The following CNTN5 variants were observed in gnomAD, a reference collection of about 807,000 sequenced individuals.
CNTN5 encodes contactin 5.
A neutral mutation model predicts 129.1 loss-of-function variants in CNTN5; 77 were observed. That is an observed-to-expected ratio of 0.60 (90% CI 0.50 to 0.72). The LOEUF is 0.72. Among genes scored for constraint, CNTN5 ranks in the 30% least tolerant of loss-of-function variants. The pLI is 0.00. For missense variants in CNTN5, 1,478 were observed against 1,328.8 expected, an observed-to-expected ratio of 1.11 and a Z score of -1.75; for synonymous variants, 509 against 465.6, an observed-to-expected ratio of 1.09 and a Z score of -1.20.
At chr11:100,094,513 A>T (rs943812345) in intron 13 of CNTN5, among the ~76,000 whole-genome samples, 1 of 152,164 alleles carries the variant, frequency 6.6e-6, no homozygotes, top group Non-Finnish European at 1.5e-5. Context: ...AAACGTTTAA[A>T]TAATATTTCC....
chr11:99,367,954 A>G (rs1939560663), intron 2 of CNTN5, among the ~76,000 whole-genome samples: 1 of 152,134 alleles, frequency 6.6e-6, no homozygotes, highest in African/African-American at 2.4e-5. Context: ...AGGCTATCCC[A>G]ATTCCTGAAA....
chr11:99,991,533 C>T (rs1372916895), intron 8 of CNTN5, among the ~76,000 whole-genome samples: 2 of 152,058 alleles, frequency 1.3e-5, no homozygotes, highest in East Asian at 3.9e-4. Context: ...ACTGAGAAAC[C>T]CAACTTGAAA....
At chr11:100,254,368 A>T (rs1004003742) in intron 16 of CNTN5, among the ~76,000 whole-genome samples, 1 of 152,170 alleles carries the variant, frequency 6.6e-6, no homozygotes, top group African/African-American at 2.4e-5. Flanking sequence ...TTCCAAAATG[A>T]GTTCTCTCAA....
intron 13 of CNTN5, among the ~76,000 whole-genome samples, chr11:100,098,370 A>G (rs185217624): frequency 6.6e-6 from 1 of 152,240 alleles, no homozygotes; most frequent in Non-Finnish European, 1.5e-5. Flanking sequence ...ATAACAAAAT[A>G]TGAATAATAT....
intron 3 of CNTN5, among the ~76,000 whole-genome samples, chr11:99,692,175 G>T (rs1954067223): frequency 6.6e-6 from 1 of 152,080 alleles, no homozygotes; most frequent in South Asian, 2.1e-4. Context: ...GCATATGAAT[G>T]GTTCGTGGTT....
chr11:99,765,343 G>A (rs1405570413), intron 3 of CNTN5, among the ~76,000 whole-genome samples: 3 of 151,642 alleles, frequency 2.0e-5, no homozygotes, highest in African/African-American at 4.8e-5. Flanking sequence ...TCAGCATCAT[G>A]TGTTTCACTC....
chr11:99,429,527 G>A (rs895152930), intron 2 of CNTN5, among the ~76,000 whole-genome samples: 1 of 152,158 alleles, frequency 6.6e-6, no homozygotes, highest in African/African-American at 2.4e-5. Flanking sequence ...AAGGGAGAGA[G>A]AGAGAGTCTG....
intron 1 of CNTN5, among the ~76,000 whole-genome samples, chr11:99,183,613 T>G: frequency 6.6e-6 from 1 of 152,162 alleles, no homozygotes; most frequent in East Asian, 1.9e-4. Flanking sequence ...CTTCTCTTAA[T>G]GACCCCTAAA....
chr11:100,249,551 C>CA (rs1949918283), intron 16 of CNTN5, among the ~76,000 whole-genome samples: 1 of 152,144 alleles, frequency 6.6e-6, no homozygotes, highest in Admixed American at 6.6e-5. Context: ...GATTACTGGC[C>CA]ATTTGACACT....
chr11:99,121,291 T>C (rs1225615528), intron 1 of CNTN5, among the ~76,000 whole-genome samples: 1 of 152,020 alleles, frequency 6.6e-6, no homozygotes, highest in African/African-American at 2.4e-5. Context: ...CTCACCACCA[T>C]GCCCAGCTAA....
At chr11:100,092,622 A>G (rs1944831606) in intron 13 of CNTN5, among the ~76,000 whole-genome samples, 1 of 152,172 alleles carries the variant, frequency 6.6e-6, no homozygotes, top group Admixed American at 6.6e-5. Context: ...AAACACTATT[A>G]TAAGATTGTT....
At chr11:100,167,164 C>T (rs1372882348) in intron 13 of CNTN5, among the ~76,000 whole-genome samples, 1 of 151,650 alleles carries the variant, frequency 6.6e-6, no homozygotes, top group Non-Finnish European at 1.5e-5. Flanking sequence ...TAAAACAGTA[C>T]ACTGAGTTTA....
chr11:99,755,164 T>C (rs942146515), intron 3 of CNTN5, among the ~76,000 whole-genome samples: 3 of 152,200 alleles, frequency 2.0e-5, no homozygotes, highest in Non-Finnish European at 4.4e-5. Flanking sequence ...ACGGTGTTAA[T>C]TATGAATGAA....
intron 1 of CNTN5, among the ~76,000 whole-genome samples, chr11:99,240,680 A>G (rs1429563015): frequency 6.6e-6 from 1 of 152,146 alleles, no homozygotes; most frequent in Non-Finnish European, 1.5e-5. Context: ...TATGAATTCC[A>G]ATGCTGAACC....
chr11:100,002,398 T>C (rs1442758959), intron 9 of CNTN5, among the ~76,000 whole-genome samples: 1 of 152,148 alleles, frequency 6.6e-6, no homozygotes, highest in Non-Finnish European at 1.5e-5. Context: ...TTTACATCTT[T>C]ACCTATGTAT....
intron 3 of CNTN5, among the ~76,000 whole-genome samples, chr11:99,800,008 C>T (rs1946064788): frequency 6.6e-6 from 1 of 151,922 alleles, no homozygotes; most frequent in Non-Finnish European, 1.5e-5. Context: ...TATGCATTCC[C>T]TCTAGGTTTT....
At chr11:99,569,374 C>A (rs12791207) in intron 3 of CNTN5, among the ~76,000 whole-genome samples, 1 of 152,006 alleles carries the variant, frequency 6.6e-6, no homozygotes, top group Non-Finnish European at 1.5e-5. Flanking sequence ...AGGGCAGTGG[C>A]GCAATGTGGC....
chr11:99,066,585 A>G (rs1011988333), intron 1 of CNTN5, among the ~76,000 whole-genome samples: 8 of 151,850 alleles, frequency 5.3e-5, no homozygotes, highest in African/African-American at 1.9e-4. Context: ...AGTAGATAAA[A>G]TCAATACCCA....
intron 3 of CNTN5, among the ~76,000 whole-genome samples, chr11:99,813,267 A>G (rs377143070): frequency 1.3e-5 from 2 of 152,164 alleles, no homozygotes; most frequent in South Asian, 4.1e-4. Context: ...GCATCACTCA[A>G]TATTTCTATT....
Sources: gnomAD v4.1 joint callset for allele counts (sites outside exome capture counted in the v4.1 genomes callset) on GRCh38, gnomAD v4.1.1 for gene constraint, MANE v1.5 for transcripts, NCBI Gene and HGNC (gene_info 2026-07-23, HGNC 2026-07-21) for gene names.